ANKRD29: variants seen among roughly 807,000 people sequenced by gnomAD.
The protein encoded by ANKRD29 is ankyrin repeat domain 29.
In ANKRD29, 32 loss-of-function variants were observed where a neutral mutation model predicts 38.0. The observed-to-expected ratio is 0.84, with a 90% confidence interval of 0.64 to 1.13. The LOEUF (loss-of-function observed/expected upper bound fraction) is 1.13, where lower values mean the gene tolerates loss of function less well. ANKRD29 is among the 50% of genes most tolerant of loss of function. The pLI is 0.00. For missense variants in ANKRD29, 357 were observed against 377.9 expected (o/e 0.94, Z 0.46); for synonymous variants, 135 against 152.4 (o/e 0.89, Z 0.84).
chr18:23,604,991 G>T (rs921743509), intron 9 of ANKRD29, among the ~76,000 whole-genome samples: 25 of 152,118 alleles, frequency 1.6e-4, no homozygotes, highest in African/African-American at 6.0e-4. Context: ...CACAATCTCT[G>T]CTCACTACAG....
chr18:23,645,158 C>T (rs1454185187), intron 3 of ANKRD29, among the ~76,000 whole-genome samples: 1 of 152,166 alleles, frequency 6.6e-6, no homozygotes, highest in African/African-American at 2.4e-5. Flanking sequence ...CATCTCAGGT[C>T]TGAGTCAGTG....
rs1177155021 is a variant in ANKRD29, at chr18:23,662,828, A to T, written c.-98T>A. 1.6e-5 allele frequency: 18 copies of T among 1,129,172 alleles called. No individual in the cohort carries two copies. Among genetic ancestry groups the T allele is most frequent in the Admixed American group, 4.7e-5 (1 of 21,244 alleles). 69.9% of individuals were successfully genotyped at this position (1,129,172 alleles called of 1,614,324 possible). A position where few individuals can be genotyped will look rare whatever the true frequency, so the allele number is the denominator to read the frequency against. ...TCCCGGGGCTCTCGGCGTTCCGCAG[A>T]GGGGCGGCCTCCGACGCCGCGCGCT... is the stretch of plus-strand genomic sequence containing the variant. On this transcript the variant is annotated 5_prime_UTR_variant, in exon 1 of 10. Transcript: ENST00000592179.
intron 3 of ANKRD29, among the ~76,000 whole-genome samples, chr18:23,642,173 C>T (rs951889629): frequency 3.3e-5 from 5 of 151,986 alleles, no homozygotes; most frequent in Non-Finnish European, 5.9e-5. Flanking sequence ...AATTTAGGAC[C>T]TGGCGAATGA....
chr18:23,641,343 A>C (rs974728015), intron 3 of ANKRD29, among the ~76,000 whole-genome samples: 1 of 152,150 alleles, frequency 6.6e-6, no homozygotes, highest in African/African-American at 2.4e-5. Flanking sequence ...CATTACCCCC[A>C]CAGGCTTGGA....
chr18:23,611,626 A>G (rs1398739820), intron 9 of ANKRD29, among the ~76,000 whole-genome samples: 1 of 152,158 alleles, frequency 6.6e-6, no homozygotes, highest in Non-Finnish European at 1.5e-5. Context: ...TGGAGGTTGC[A>G]GTGAGCCAAG....
At chr18:23,632,529 G>GTATATATATATATATATATATATATA (rs1319966480) in intron 5 of ANKRD29, among the ~76,000 whole-genome samples, 18 of 68,142 alleles carry the variant, frequency 2.6e-4, no homozygotes, top group African/African-American at 7.5e-4. Context: ...GTGTGTGTGT[G>GTATATATATATATATATATATATATA]TGTGTATATA....
chr18:23,656,127 A>G (rs557457282), intron 1 of ANKRD29, among the ~76,000 whole-genome samples: 12 of 151,028 alleles, frequency 7.9e-5, no homozygotes, highest in African/African-American at 2.9e-4. Flanking sequence ...TCTAACAAAC[A>G]TGTGTCTGTG....
chr18:23,608,968 C>T (rs1436056348), intron 9 of ANKRD29, among the ~76,000 whole-genome samples: 1 of 152,058 alleles, frequency 6.6e-6, no homozygotes, highest in Non-Finnish European at 1.5e-5. Context: ...CTGGCATGCC[C>T]CTGTAATCCC....
At chr18:23,657,680 C>T (rs147241170) in intron 1 of ANKRD29, among the ~76,000 whole-genome samples, 2 of 152,170 alleles carry the variant, frequency 1.3e-5, no homozygotes, top group African/African-American at 4.8e-5. Flanking sequence ...TGGAATCATA[C>T]AATATATGGC....
intron 6 of ANKRD29, among the ~76,000 whole-genome samples, chr18:23,620,403 G>C (rs1315142621): frequency 6.6e-6 from 1 of 152,176 alleles, no homozygotes; most frequent in Non-Finnish European, 1.5e-5. Flanking sequence ...ATGAGGTGGA[G>C]ATATATTGCT....
intron 6 of ANKRD29, 79 bp from the exon 7 acceptor site, chr18:23,619,708 G>T: frequency 7.8e-7 from 1 of 1,280,462 alleles, no homozygotes; most frequent in Non-Finnish European, 1.0e-6. Flanking sequence ...TAACACCAGG[G>T]GTCTGAAAGC....
At chr18:23,633,179 G>A (rs1337456495) in intron 5 of ANKRD29, among the ~76,000 whole-genome samples, 3 of 152,148 alleles carry the variant, frequency 2.0e-5, no homozygotes, top group Non-Finnish European at 4.4e-5. Flanking sequence ...CAATTGAAAG[G>A]CCCTTGGGTG....
chr18:23,628,964 T>G (rs1357385720), intron 6 of ANKRD29, among the ~76,000 whole-genome samples: 1 of 152,222 alleles, frequency 6.6e-6, no homozygotes, highest in Non-Finnish European at 1.5e-5. Flanking sequence ...TGCATTTCTG[T>G]TCTTTTTTCT....
intron 3 of ANKRD29, among the ~76,000 whole-genome samples, chr18:23,639,529 ATTTTTTT>A (rs11310206): frequency 8.3e-6 from 1 of 120,346 alleles, no homozygotes; most frequent in African/African-American, 3.0e-5. Context: ...TTTTACTGTG[ATTTTTTT>A]TTTTTTTTTT....
rs2060385058 is a variant in ANKRD29, at chr18:23,662,783, T to C, written c.-53A>G. ...CGCGCTTTGGGCCCGGGGCGCCTTG[T>C]CCTCCCCGGCCCTTCACTCTCCCGG... On this transcript the variant is annotated 5_prime_UTR_variant, in exon 1 of 10. Transcript: ENST00000592179. 3 of 1,425,430 alleles carry C rather than the reference T, an allele frequency of 2.1e-6. No individual in the cohort carries two copies. In the African/African-American group the frequency reaches 4.5e-5, roughly 21 times the overall value. The allele number at this position is 1,425,430 out of a possible 1,614,324, so 88.3% of individuals were successfully genotyped here.
intron 1 of ANKRD29, among the ~76,000 whole-genome samples, chr18:23,651,323 G>A (rs917459023): frequency 2.0e-5 from 3 of 152,180 alleles, no homozygotes; most frequent in East Asian, 1.9e-4. Context: ...TTGCTATCCT[G>A]GAGTTTTCAA....
chr18:23,600,856 T>C lies in ANKRD29; in HGVS notation c.*370A>G, dbSNP rs1483050005. 1 of 162,702 alleles carries C rather than the reference T, an allele frequency of 6.1e-6. No individual in the cohort carries two copies. The highest frequency in any genetic ancestry group is 2.4e-5 in the African/African-American group (1 of 41,720). 10.1% of individuals were successfully genotyped at this position (162,702 alleles called of 1,614,324 possible). A position where few individuals can be genotyped will look rare whatever the true frequency, so the allele number is the denominator to read the frequency against. On this transcript the variant is annotated 3_prime_UTR_variant, in exon 10 of 10. Transcript: ENST00000592179. Reference sequence around the variant, plus strand: ...ATTGAAGGTCAGCTTTTCAGTCTTTTAAAGGAACAAAGCATTCTGTCTCCT... The same window carrying C: ...ATTGAAGGTCAGCTTTTCAGTCTTTCAAAGGAACAAAGCATTCTGTCTCCT...
intron 6 of ANKRD29, among the ~76,000 whole-genome samples, chr18:23,628,782 C>T (rs945777632): frequency 6.7e-6 from 1 of 148,512 alleles, no homozygotes; most frequent in African/African-American, 2.5e-5. Context: ...TACAATGGGT[C>T]GAGATCATGC....
chr18:23,639,129 T>G (rs1215012652), intron 3 of ANKRD29, among the ~76,000 whole-genome samples, 182 bp from the exon 4 acceptor site: 2 of 152,230 alleles, frequency 1.3e-5, no homozygotes, highest in Non-Finnish European at 2.9e-5. Flanking sequence ...GAAAACTTTA[T>G]TCTTAGTGAA....
Sources: gnomAD v4.1 joint callset for allele counts (sites outside exome capture counted in the v4.1 genomes callset) on GRCh38, gnomAD v4.1.1 for gene constraint, MANE v1.5 for transcripts, NCBI Gene and HGNC (gene_info 2026-07-23, HGNC 2026-07-21) for gene names.